The following GRID2 variants were observed in gnomAD, a reference collection of about 807,000 sequenced individuals.
GRID2 encodes glutamate ionotropic receptor delta type subunit 2, also known as glutamate receptor ionotropic, delta-2.
GRID2 carries 33 observed loss-of-function variants against 114.8 expected under a neutral mutation model. The observed-to-expected ratio is 0.29, with a 90% CI of 0.22 to 0.38. The LOEUF is 0.38. Among genes scored for constraint, GRID2 ranks in the 10% least tolerant of loss-of-function variants. GRID2 has a pLI of 1.00. For synonymous variants in GRID2, 505 were observed against 449.9 expected (o/e 1.12, Z -1.55); for missense variants, 1,184 against 1,257.7 (o/e 0.94, Z 0.89).
At chr4:92,750,850 C>T (rs1737418852) in intron 2 of GRID2, among the ~76,000 whole-genome samples, 1 of 152,110 alleles carries the variant, frequency 6.6e-6, no homozygotes, top group African/African-American at 2.4e-5. Context: ...AAAATATATA[C>T]ATACATATTT....
chr4:93,150,034 A>G (rs1471253058), intron 4 of GRID2, among the ~76,000 whole-genome samples: 1 of 152,170 alleles, frequency 6.6e-6, no homozygotes, highest in African/African-American at 2.4e-5. Context: ...GACAGAGGGC[A>G]AACTATGATT....
At chr4:92,327,823 A>G (rs1272549562) in intron 1 of GRID2, among the ~76,000 whole-genome samples, 3 of 151,964 alleles carry the variant, frequency 2.0e-5, no homozygotes, top group Admixed American at 2.0e-4. Context: ...CCCCTCACGT[A>G]GAGAATAGAA....
At chr4:92,606,015 G>A (rs950858877) in intron 2 of GRID2, among the ~76,000 whole-genome samples, 1 of 137,398 alleles carries the variant, frequency 7.3e-6, no homozygotes, top group Non-Finnish European at 1.7e-5. Flanking sequence ...AGCTTTTCCT[G>A]TAAGTGTTCT....
In GRID2 at chr4:92,442,114, T is replaced by TA. The variant is rs762517364; in HGVS notation, c.88+137370_88+137371insA. ...TGAAAAGAAGGTAATGTGGAGTGGG[T>TA]GCCTCCATATTGATTAAGAAGGGGA... On this transcript the variant is annotated intron_variant, in intron 1 of 15. Transcript: ENST00000282020. 8.4e-3 allele frequency among the ~76,000 whole-genome samples: 1,118 copies of TA among 133,618 alleles called. 18 individuals carry two copies. Among genetic ancestry groups the TA allele is most frequent in the African/African-American group, 0.025 (995 of 39,712 alleles). 87.7% of individuals were successfully genotyped at this position (133,618 alleles called of 152,430 possible).
intron 13 of GRID2, among the ~76,000 whole-genome samples, chr4:93,616,266 G>A (rs72889177): frequency 0.055 from 8,316 of 151,990 alleles, 781 homozygotes; most frequent in African/African-American, 0.19. Flanking sequence ...GACTAAGGCC[G>A]GGCACAGTGG....
chr4:93,667,047 G>A (rs1429640207), intron 14 of GRID2, among the ~76,000 whole-genome samples: 1 of 152,002 alleles, frequency 6.6e-6, no homozygotes, highest in Non-Finnish European at 1.5e-5. Flanking sequence ...AACATACTAT[G>A]TGATGACTTC....
chr4:92,538,450 C>T (rs1296232262), intron 1 of GRID2, among the ~76,000 whole-genome samples: 4 of 152,072 alleles, frequency 2.6e-5, no homozygotes, highest in African/African-American at 9.7e-5. Context: ...TTATTAGTTG[C>T]TTGTAAGAAA....
At chr4:93,561,913 T>C (rs778045674) in intron 13 of GRID2, among the ~76,000 whole-genome samples, 4 of 152,150 alleles carry the variant, frequency 2.6e-5, no homozygotes, top group African/African-American at 4.8e-5. Flanking sequence ...CAACAGTTTA[T>C]TTATCTATTA....
At chr4:93,632,254 C>A (rs1161571247) in intron 14 of GRID2, among the ~76,000 whole-genome samples, 1 of 152,236 alleles carries the variant, frequency 6.6e-6, no homozygotes, top group East Asian at 1.9e-4. Flanking sequence ...GCTTTTGTTG[C>A]CATTGCTTTT....
chr4:92,344,614 A>C (rs1474228814), intron 1 of GRID2, among the ~76,000 whole-genome samples: 2 of 152,168 alleles, frequency 1.3e-5, no homozygotes, highest in African/African-American at 4.8e-5. Flanking sequence ...CAAAGGCTAC[A>C]GGCTAGAATT....
At chr4:92,707,421 A>G (rs1417747123) in intron 2 of GRID2, among the ~76,000 whole-genome samples, 1 of 152,216 alleles carries the variant, frequency 6.6e-6, no homozygotes, top group Non-Finnish European at 1.5e-5. Flanking sequence ...CTCTTCAAGC[A>G]GTTCAAATAC....
chr4:93,291,133 A>G lies in GRID2; in HGVS notation c.1245+52643A>G, dbSNP rs531348949. On this transcript the variant is annotated intron_variant, in intron 8 of 15. Transcript: ENST00000282020. ...GCCTCTTGATCCGCCCACCAGATCC[A>G]AAGTGCTGGGGTTATAGGCGTAAGC... Among the ~76,000 whole-genome samples the G allele has an allele frequency of 3.4e-4, 51 of 152,188 alleles. 1 individual carries two copies. Among genetic ancestry groups the G allele is most frequent in the Admixed American group, 9.2e-4 (14 of 15,284 alleles).
At chr4:93,281,590 A>G (rs1380992926) in intron 8 of GRID2, among the ~76,000 whole-genome samples, 2 of 152,080 alleles carry the variant, frequency 1.3e-5, no homozygotes, top group Non-Finnish European at 2.9e-5. Flanking sequence ...TTCACATAAT[A>G]TAGTGAAGCA....
At chr4:92,685,315 G>C (rs746563038) in intron 2 of GRID2, among the ~76,000 whole-genome samples, 1 of 151,952 alleles carries the variant, frequency 6.6e-6, no homozygotes, top group East Asian at 1.9e-4. Flanking sequence ...GGAATTTCCC[G>C]TGCCCAGGTA....
chr4:92,597,001 A>G (rs1449428050), intron 2 of GRID2, among the ~76,000 whole-genome samples: 1 of 152,096 alleles, frequency 6.6e-6, no homozygotes, highest in Admixed American at 6.5e-5. Context: ...TGTGTTAATA[A>G]TAGAAGGAAC....
At chr4:92,357,155 T>A (rs1365361861) in intron 1 of GRID2, among the ~76,000 whole-genome samples, 4 of 151,710 alleles carry the variant, frequency 2.6e-5, no homozygotes, top group Non-Finnish European at 5.9e-5. Flanking sequence ...GAAAAAAAAA[T>A]GCCTTTCTGC....
intron 1 of GRID2, among the ~76,000 whole-genome samples, chr4:92,427,523 G>C (rs1255206460): frequency 6.6e-6 from 1 of 152,118 alleles, no homozygotes; most frequent in African/African-American, 2.4e-5. Flanking sequence ...GGAAAAGCTA[G>C]TACAATGAAT....
At chr4:92,458,722 T>C (rs1721333778) in intron 1 of GRID2, among the ~76,000 whole-genome samples, 1 of 152,214 alleles carries the variant, frequency 6.6e-6, no homozygotes, top group Admixed American at 6.5e-5. Flanking sequence ...CTTATTGCTC[T>C]ATTCACTCAC....
intron 11 of GRID2, among the ~76,000 whole-genome samples, chr4:93,461,656 G>A (rs1312100760): frequency 6.6e-6 from 1 of 152,076 alleles, no homozygotes; most frequent in Non-Finnish European, 1.5e-5. Flanking sequence ...AATAGCTCAG[G>A]GAATCCAACT....
Sources: allele counts gnomAD v4.1 joint callset (sites outside exome capture counted in the v4.1 genomes callset), GRCh38; gene constraint gnomAD v4.1.1; transcripts MANE v1.5; gene names NCBI Gene and HGNC (gene_info 2026-07-23, HGNC 2026-07-21).